The following ARID3B variants were observed in gnomAD, a reference collection of about 807,000 sequenced individuals.
ARID3B encodes the protein AT-rich interactive domain-containing protein 3B.
A neutral mutation model predicts 51.9 loss-of-function variants in ARID3B; 10 were observed. The observed-to-expected ratio is 0.19, with a 90% CI of 0.12 to 0.33. The LOEUF is 0.33. ARID3B is among the 10% of genes least tolerant of loss of function. The probability of loss-of-function intolerance (pLI) is 1.00; values close to 1 mark genes in which losing one functional copy is unlikely to be tolerated. For synonymous variants in ARID3B, 205 were observed against 279.5 expected (o/e 0.73, Z 2.66); for missense variants, 483 against 716.3 (o/e 0.67, Z 3.72).
intron 4 of ARID3B, among the ~76,000 whole-genome samples, chr15:74,586,693 A>G (rs565379149): frequency 6.6e-6 from 1 of 152,334 alleles, no homozygotes; most frequent in East Asian, 1.9e-4. Context: ...ACATAGTGAG[A>G]CCTCGAGAAA....
chr15:74,558,583 C>T (rs2061667969), intron 2 of ARID3B, among the ~76,000 whole-genome samples: 1 of 151,870 alleles, frequency 6.6e-6, no homozygotes, highest in Non-Finnish European at 1.5e-5. Flanking sequence ...AGTAATGAAC[C>T]ATCTGTGTTC....
chr15:74,589,855 C>G lies in ARID3B; in HGVS notation c.733C>G (p.Gln245Glu). The change falls in exon 5 of 9, where the codon CAG becomes GAG. Residue 245 changes from glutamine to glutamate, a missense_variant. Physicochemically the swap from Gln to Glu is conservative, Grantham distance 29. This residue lies in a region of ARID3B where 36 missense variants were observed against 117.5 expected (regional missense o/e 0.31). Transcript: ENST00000346246. ...PINRIPIMAK[Q>E]ILDLYMLYKL... ...CAACCGAATCCCCATCATGGCCAAA[C>G]AGATCCTGGACCTGTACATGCTGTA... 1.9e-6 allele frequency: 3 copies of G among 1,613,344 alleles called. No homozygotes were observed. The highest frequency in any genetic ancestry group is 2.5e-6 in the Non-Finnish European group (3 of 1,179,534).
intron 4 of ARID3B, among the ~76,000 whole-genome samples, chr15:74,578,893 C>CA (rs1451896466): frequency 6.7e-5 from 10 of 149,794 alleles, no homozygotes; most frequent in Non-Finnish European, 1.3e-4. Flanking sequence ...GACCTTGTCT[C>CA]AAAAAACAAA....
chr15:74,593,813 A>G (rs966818380), intron 8 of ARID3B, among the ~76,000 whole-genome samples: 1 of 151,532 alleles, frequency 6.6e-6, no homozygotes. Context: ...GGCTGAGGCA[A>G]GAGGACCACT....
chr15:74,563,890 A>G (rs2061687983), intron 2 of ARID3B, among the ~76,000 whole-genome samples: 1 of 152,104 alleles, frequency 6.6e-6, no homozygotes, highest in Non-Finnish European at 1.5e-5. Context: ...CTTCTTGATC[A>G]TTGCATGGAG....
chr15:74,566,616 A>G (rs960067482), intron 2 of ARID3B, among the ~76,000 whole-genome samples: 23 of 151,946 alleles, frequency 1.5e-4, no homozygotes, highest in Admixed American at 6.6e-4. Context: ...AAAAAAAAAA[A>G]AGAGACTAAA....
chr15:74,554,412 C>A (rs907798049), intron 2 of ARID3B, among the ~76,000 whole-genome samples: 14 of 152,152 alleles, frequency 9.2e-5, no homozygotes, highest in African/African-American at 3.4e-4. Context: ...AAGCAGCCCT[C>A]CCGCCTCAGC....
chr15:74,593,218 G>A lies in ARID3B; in HGVS notation c.1501G>A (p.Asp501Asn), dbSNP rs761247911. ...IGSINMSVDIDGTTYAGVLFA... is the reference protein window; with the variant it reads ...IGSINMSVDINGTTYAGVLFA... ...GAGCATTAACATGTCTGTGGACATC[G>A]ATGGCACCACCTATGCAGGTGAGGC... Residue 501 changes from aspartate (D) to asparagine (N), a missense_variant, in exon 8 of 9, where the codon GAT (aspartate) becomes AAT (asparagine). Physicochemically the swap from Asp to Asn is conservative, Grantham distance 23. Around this residue, in one of 3 missense-constraint regions of ARID3B, gnomAD observed 265 missense variants for 354.4 expected, o/e 0.75. Coordinates refer to ENST00000346246, the MANE Select transcript of ARID3B (RefSeq NM_006465.4). 11 of 1,612,890 alleles carry A rather than the reference G, an allele frequency of 6.8e-6. No homozygotes were observed. The highest frequency in any genetic ancestry group is 3.3e-5 in the South Asian group (3 of 91,000).
chr15:74,563,947 C>G (rs570058856), intron 2 of ARID3B, among the ~76,000 whole-genome samples: 9 of 152,318 alleles, frequency 5.9e-5, no homozygotes, highest in African/African-American at 2.2e-4. Context: ...CTCTCTTCCT[C>G]CCCTGCTCTG....
At chr15:74,569,290 CAG>C (rs2061710836) in intron 2 of ARID3B, among the ~76,000 whole-genome samples, 1 of 152,208 alleles carries the variant, frequency 6.6e-6, no homozygotes, top group Non-Finnish European at 1.5e-5. Flanking sequence ...GGAGGTCCCA[CAG>C]GGGAGCCCAT....
At chr15:74,574,349 TCCTGTTATAGCTGATCATGCATC>T (rs2141467003) in intron 4 of ARID3B, 1 of 152,368 alleles carries the variant, frequency 6.6e-6, no homozygotes, top group Non-Finnish European at 1.5e-5. Context: ...GCTCCCAGCA[TCCTGTTATAGCTGATCATGCATC>T]CCTTGGTGCC....
Position 74,598,087 on chromosome 15 carries a change from T to G in ARID3B, c.*2313T>G. ...TTGTGGTTATTTTCTATCTTACATG[T>G]TCTCGAATGTTTATATTTCAATAAA... On this transcript the variant is annotated 3_prime_UTR_variant, in exon 9 of 9. Coordinates refer to ENST00000346246, the MANE Select transcript of ARID3B (RefSeq NM_006465.4). 2.0e-6 allele frequency: 1 copy of G among 511,554 alleles called. No homozygotes were observed. Among genetic ancestry groups the G allele is most frequent in the South Asian group, 1.6e-5 (1 of 63,696 alleles). The allele number at this position is 511,554 out of a possible 1,614,324, so 31.7% of individuals were successfully genotyped here.
intron 2 of ARID3B, among the ~76,000 whole-genome samples, chr15:74,546,421 GC>G (rs1430843635): frequency 1.3e-5 from 2 of 152,214 alleles, no homozygotes; most frequent in African/African-American, 4.8e-5. Context: ...AGAAAGTGCA[GC>G]CGCATGCGAG....
At chr15:74,556,202 A>G (rs192430801) in intron 2 of ARID3B, among the ~76,000 whole-genome samples, 120 of 152,302 alleles carry the variant, frequency 7.9e-4, no homozygotes, top group African/African-American at 2.8e-3. Context: ...AGGTCATTGC[A>G]AGGTTACTAA....
At chr15:74,550,256 T>C (rs952077280) in intron 2 of ARID3B, among the ~76,000 whole-genome samples, 3 of 152,178 alleles carry the variant, frequency 2.0e-5, no homozygotes, top group Non-Finnish European at 4.4e-5. Context: ...TTGATATCTT[T>C]GGTGATATAT....
chr15:74,592,299 C>T (rs2061806743), intron 7 of ARID3B, among the ~76,000 whole-genome samples: 1 of 152,190 alleles, frequency 6.6e-6, no homozygotes, highest in African/African-American at 2.4e-5. Flanking sequence ...AATTGACATC[C>T]TTTCCCTTCC....
chr15:74,542,279 A>T (rs962983210), intron 1 of ARID3B, among the ~76,000 whole-genome samples: 1 of 152,254 alleles, frequency 6.6e-6, no homozygotes, highest in African/African-American at 2.4e-5. Context: ...ACTGAATTTA[A>T]TGTGGATGTA....
intron 2 of ARID3B, among the ~76,000 whole-genome samples, chr15:74,570,139 G>T (rs1189367877): frequency 6.6e-6 from 1 of 152,036 alleles, no homozygotes; most frequent in East Asian, 1.9e-4. Context: ...CACTTAGTGG[G>T]CTCTGTGCAA....
chr15:74,564,731 G>C (rs893884686), intron 2 of ARID3B, among the ~76,000 whole-genome samples: 4 of 152,078 alleles, frequency 2.6e-5, no homozygotes, highest in African/African-American at 9.7e-5. Flanking sequence ...CTCCCAAGTA[G>C]CTTGGACTAC....
Sources: allele counts gnomAD v4.1 joint callset (sites outside exome capture counted in the v4.1 genomes callset), GRCh38; gene constraint gnomAD v4.1.1; regional missense constraint gnomAD v4.1.1; transcripts MANE v1.5; gene names NCBI Gene and HGNC (gene_info 2026-07-23, HGNC 2026-07-21).